Variants in POU6F2 observed in about 807,000 individuals in gnomAD.
The protein encoded by POU6F2 is POU domain, class 6, transcription factor 2.
POU6F2 carries 31 observed loss-of-function variants against 71.3 expected under a neutral mutation model. That is an observed-to-expected ratio of 0.43 (90% CI 0.33 to 0.59). POU6F2 has a LOEUF of 0.59. POU6F2 is among the 20% of genes least tolerant of loss of function. The pLI is 0.04. For missense variants in POU6F2, 783 were observed against 856.8 expected, an observed-to-expected ratio of 0.91 and a Z score of 1.07; for synonymous variants, 347 against 355.7, an observed-to-expected ratio of 0.98 and a Z score of 0.27.
intron 4 of POU6F2, among the ~76,000 whole-genome samples, chr7:39,233,808 T>G (rs939034242): frequency 6.6e-6 from 1 of 152,172 alleles, no homozygotes; most frequent in Non-Finnish European, 1.5e-5. Flanking sequence ...TTTCAGAAAG[T>G]GTAAAACCCG....
chr7:39,015,998 A>ATTATATAT lies in POU6F2; in HGVS notation c.105+37940_105+37941insTTATATAT, dbSNP rs1420922884. ...TTATATATAGATATATATAATATAT[A>ATTATATAT]GATATATATTATATATTATATATAT... On this transcript the variant is annotated intron_variant, in intron 1 of 9. Transcript: ENST00000518318. Among the ~76,000 whole-genome samples the ATTATATAT allele has an allele frequency of 6.5e-3, 219 of 33,922 alleles. 10 individuals carry two copies. The highest frequency in any genetic ancestry group is 1.0e-2 in the South Asian group (8 of 804). 22.3% of individuals were successfully genotyped at this position (33,922 alleles called of 152,430 possible).
chr7:39,117,779 A>G (rs187633681), intron 2 of POU6F2, among the ~76,000 whole-genome samples: 151 of 152,206 alleles, frequency 9.9e-4, no homozygotes, highest in African/African-American at 3.0e-3. Context: ...GAGCATGAAG[A>G]TCTCTCCTGC....
chr7:39,293,724 C>T (rs999441987), intron 4 of POU6F2, among the ~76,000 whole-genome samples: 3 of 152,298 alleles, frequency 2.0e-5, no homozygotes, highest in African/African-American at 7.2e-5. Context: ...TCAGCAGCAC[C>T]TGAAGACCGA....
chr7:39,181,856 C>G (rs999015960), intron 2 of POU6F2, among the ~76,000 whole-genome samples: 1 of 152,190 alleles, frequency 6.6e-6, no homozygotes, highest in Non-Finnish European at 1.5e-5. Context: ...GATGATGTTT[C>G]CTTCCTCTTG....
intron 2 of POU6F2, among the ~76,000 whole-genome samples, chr7:39,143,303 A>C (rs1391498551): frequency 1.3e-5 from 2 of 152,166 alleles, no homozygotes; most frequent in East Asian, 1.9e-4. Flanking sequence ...TGGGCAAGGC[A>C]AGAAACCGAG....
chr7:39,308,837 A>G (rs972665760), intron 4 of POU6F2, among the ~76,000 whole-genome samples: 1 of 152,046 alleles, frequency 6.6e-6, no homozygotes, highest in Non-Finnish European at 1.5e-5. Flanking sequence ...GCCCATCACT[A>G]ACTCACTTCC....
At chr7:39,357,227 C>T (rs1302528137) in intron 5 of POU6F2, among the ~76,000 whole-genome samples, 2 of 152,160 alleles carry the variant, frequency 1.3e-5, no homozygotes, top group South Asian at 2.1e-4. Context: ...CTGCTTCAAA[C>T]CCCACTGCAA....
In POU6F2 at chr7:39,224,770, T is replaced by G. The variant is rs201235653; in HGVS notation, c.598+17150T>G. Among the ~76,000 whole-genome samples, 5 of 152,190 alleles carry G rather than the reference T, an allele frequency of 3.3e-5. No individual in the cohort carries two copies. In the East Asian group the frequency reaches 9.6e-4, roughly 29 times the overall value. On this transcript the variant is annotated intron_variant, in intron 4 of 9. Coordinates refer to ENST00000518318, the MANE Select transcript of POU6F2 (RefSeq NM_001370959.1). ...ATGTCTGTAATGACTGACAGCACAT[T>G]CATTCACACAGTGGGCACAGAAAAA... is the stretch of plus-strand genomic sequence containing the variant.
At chr7:39,141,214 T>C (rs1792493173) in intron 2 of POU6F2, among the ~76,000 whole-genome samples, 3 of 152,202 alleles carry the variant, frequency 2.0e-5, no homozygotes, top group Non-Finnish European at 1.5e-5. Context: ...TCATTATTGA[T>C]AATTATTGAT....
chr7:39,435,893 C>T (rs910535545), intron 7 of POU6F2, among the ~76,000 whole-genome samples: 14 of 151,924 alleles, frequency 9.2e-5, no homozygotes, highest in Admixed American at 9.2e-4. Flanking sequence ...AATCCTTTCC[C>T]CTTTGTTTTT....
Position 39,406,593 on chromosome 7 carries a change from T to C in POU6F2, c.973-7T>C, listed in dbSNP as rs1787435566. The stretch of plus-strand genomic sequence containing the variant: ...GGTTTTCACGGTGATCTTTTCTCTC[T>C]TTGCAGCTGGTTAATAATCCACTAG... On this transcript the variant is annotated splice_polypyrimidine_tract_variant and splice_region_variant and intron_variant, in intron 5 of 9. Coordinates refer to ENST00000518318, the MANE Select transcript of POU6F2 (RefSeq NM_001370959.1). The C allele has an allele frequency of 1.9e-6, 3 of 1,612,350 alleles. No individual in the cohort carries two copies. The highest frequency in any genetic ancestry group is 2.5e-6 in the Non-Finnish European group (3 of 1,179,730).
chr7:39,219,044 G>C (rs1317356267), intron 4 of POU6F2, among the ~76,000 whole-genome samples: 3 of 152,154 alleles, frequency 2.0e-5, no homozygotes, highest in African/African-American at 7.2e-5. Flanking sequence ...GGAGGCTAAG[G>C]AAGCGTTTTC....
intron 5 of POU6F2, among the ~76,000 whole-genome samples, chr7:39,382,159 T>C (rs1387217026): frequency 6.6e-6 from 1 of 152,182 alleles, no homozygotes; most frequent in Non-Finnish European, 1.5e-5. Context: ...ACCAGATTGG[T>C]TATCTGGCTG....
chr7:39,432,379 T>C (rs891206252), intron 6 of POU6F2, among the ~76,000 whole-genome samples: 1 of 152,190 alleles, frequency 6.6e-6, no homozygotes, highest in Admixed American at 6.5e-5. Context: ...TTCACCTCTA[T>C]TTTAAGAGTT....
chr7:39,395,430 C>T (rs1344752861), intron 5 of POU6F2, among the ~76,000 whole-genome samples: 1 of 152,188 alleles, frequency 6.6e-6, no homozygotes, highest in African/African-American at 2.4e-5. Flanking sequence ...CGACTCAGTT[C>T]CAAAGCTGTC....
intron 6 of POU6F2, among the ~76,000 whole-genome samples, chr7:39,429,726 A>T (rs1049580364): frequency 6.6e-6 from 1 of 152,200 alleles, no homozygotes; most frequent in African/African-American, 2.4e-5. Flanking sequence ...TTCTCCTAGC[A>T]GTAAATCTTA....
intron 1 of POU6F2, among the ~76,000 whole-genome samples, chr7:39,024,936 T>A (rs1054697165): frequency 6.6e-5 from 10 of 152,224 alleles, no homozygotes; most frequent in Non-Finnish European, 1.3e-4. Context: ...TTTGCATCAA[T>A]GTTTATCAAG....
intron 4 of POU6F2, among the ~76,000 whole-genome samples, chr7:39,260,273 A>G (rs541567283): frequency 6.7e-6 from 1 of 148,942 alleles, no homozygotes; most frequent in South Asian, 2.2e-4. Context: ...CATACCATGC[A>G]TACACCACAC....
At chr7:39,012,094 T>C (rs1335319444) in intron 1 of POU6F2, among the ~76,000 whole-genome samples, 1 of 151,628 alleles carries the variant, frequency 6.6e-6, no homozygotes, top group East Asian at 1.9e-4. Context: ...GGGGAAGTTC[T>C]CCTGGATAAT....
Sources: allele counts gnomAD v4.1 joint callset (sites outside exome capture counted in the v4.1 genomes callset), GRCh38; gene constraint gnomAD v4.1.1; transcripts MANE v1.5; gene names NCBI Gene and HGNC (gene_info 2026-07-23, HGNC 2026-07-21).